CDH12: variants seen among roughly 807,000 people sequenced by gnomAD.
CDH12 encodes the protein cadherin-12.
A neutral mutation model predicts 74.1 loss-of-function variants in CDH12; 41 were observed. The ratio of observed to expected loss-of-function variants is 0.55; its 90% CI spans 0.43 to 0.72. The LOEUF (loss-of-function observed/expected upper bound fraction) is 0.72. Ranked by LOEUF, CDH12 falls within the 30% of genes least tolerant of loss-of-function variation. The probability of loss-of-function intolerance (pLI) is 0.00; values close to 1 mark genes in which losing one functional copy is unlikely to be tolerated. For synonymous variants in CDH12, 399 were observed against 355.0 expected (o/e 1.12, Z -1.39); for missense variants, 945 against 977.2 (o/e 0.97, Z 0.44).
intron 6 of CDH12, among the ~76,000 whole-genome samples, chr5:21,950,491 A>C (rs1178330931): frequency 1.3e-5 from 2 of 152,112 alleles, no homozygotes; most frequent in Non-Finnish European, 2.9e-5. Context: ...ATAAATTGTT[A>C]AACATAAAAG....
intron 7 of CDH12, among the ~76,000 whole-genome samples, chr5:21,848,700 A>G (rs1014339457): frequency 2.6e-5 from 4 of 152,042 alleles, no homozygotes; most frequent in African/African-American, 9.6e-5. Flanking sequence ...TTTAGGGGCC[A>G]TATTGTCCAA....
chr5:22,395,428 T>C (rs928757041), intron 3 of CDH12, among the ~76,000 whole-genome samples: 1 of 152,142 alleles, frequency 6.6e-6, no homozygotes, highest in African/African-American at 2.4e-5. Flanking sequence ...AATGAATTCA[T>C]TTTGTTTTAA....
chr5:22,671,941 C>T (rs917850429), intron 1 of CDH12, among the ~76,000 whole-genome samples: 1 of 149,296 alleles, frequency 6.7e-6, no homozygotes, highest in Admixed American at 6.8e-5. Flanking sequence ...ATCATTACCT[C>T]AGTCACCTTT....
At chr5:22,181,900 C>T (rs1042994723) in intron 4 of CDH12, among the ~76,000 whole-genome samples, 6 of 152,058 alleles carry the variant, frequency 3.9e-5, no homozygotes, top group African/African-American at 1.4e-4. Context: ...CAAATCATCC[C>T]GGAAGTCTTG....
chr5:21,921,261 T>G (rs1754339264), intron 6 of CDH12, among the ~76,000 whole-genome samples: 1 of 152,196 alleles, frequency 6.6e-6, no homozygotes, highest in Non-Finnish European at 1.5e-5. Context: ...AGCCTTAAAA[T>G]CATAAATGAG....
chr5:22,625,644 G>T (rs1738248431), intron 1 of CDH12, among the ~76,000 whole-genome samples: 4 of 152,162 alleles, frequency 2.6e-5, no homozygotes, highest in Admixed American at 2.6e-4. Context: ...TTGCCCAGGG[G>T]ATAAGGCCTG....
intron 1 of CDH12, among the ~76,000 whole-genome samples, chr5:22,582,158 G>T (rs1740139615): frequency 6.6e-6 from 1 of 152,070 alleles, no homozygotes; most frequent in Non-Finnish European, 1.5e-5. Flanking sequence ...GAATACTTAT[G>T]CCCTCACCAT....
intron 3 of CDH12, among the ~76,000 whole-genome samples, chr5:22,249,891 CAT>C (rs764341893): frequency 6.6e-5 from 10 of 151,956 alleles, no homozygotes; most frequent in South Asian, 4.2e-4. Context: ...GTTAATCAAA[CAT>C]GTGTAACATT....
intron 8 of CDH12, among the ~76,000 whole-genome samples, chr5:21,835,387 A>G (rs137934997): frequency 0.011 from 1,604 of 151,882 alleles, 24 homozygotes; most frequent in Non-Finnish European, 0.015. Flanking sequence ...ATATATGTAT[A>G]CACATATATA....
chr5:22,503,792 C>A (rs1736273766), intron 2 of CDH12, among the ~76,000 whole-genome samples: 1 of 151,856 alleles, frequency 6.6e-6, no homozygotes, highest in Non-Finnish European at 1.5e-5. Flanking sequence ...TTTATCTGGG[C>A]CTTTGGATGT....
At position 22,189,937 on chromosome 5, in the gene CDH12, A is replaced by G. The variant is rs1281441291; in HGVS notation, c.-187+22561T>C. 4.6e-5 allele frequency among the ~76,000 whole-genome samples: 7 copies of G among 151,940 alleles called. No individual in the cohort carries two copies. The South Asian group carries it at 8.3e-4, about 18-fold the overall frequency. On this transcript the variant is annotated intron_variant, in intron 4 of 14. Coordinates refer to ENST00000382254, the MANE Select transcript of CDH12 (RefSeq NM_004061.5). ...AGACGTGTTTGCTTCACAGCTGGTGAATGGACACTTTCCATCACTTCACCT... is the reference window on the plus strand; with the variant it reads ...AGACGTGTTTGCTTCACAGCTGGTGGATGGACACTTTCCATCACTTCACCT...
chr5:22,297,729 A>T (rs529873394), intron 3 of CDH12, among the ~76,000 whole-genome samples: 9 of 152,284 alleles, frequency 5.9e-5, no homozygotes, highest in Admixed American at 1.3e-4. Flanking sequence ...AAGGGGAAAG[A>T]TTTTAAACTG....
chr5:22,460,437 G>A (rs538240572), intron 2 of CDH12, among the ~76,000 whole-genome samples: 18 of 151,984 alleles, frequency 1.2e-4, no homozygotes, highest in East Asian at 3.9e-4. Flanking sequence ...CTGTTTTCTC[G>A]GAAAGGCAAA....
rs571555927 is a variant in CDH12 at position 21,943,044 on chromosome 5, G to A, written c.526+32047C>T. Among the ~76,000 whole-genome samples the A allele has an allele frequency of 9.2e-3, 1,403 of 152,136 alleles. 19 individuals carry two copies. The highest frequency in any genetic ancestry group is 0.032 in the African/African-American group (1,342 of 41,504). On this transcript the variant is annotated intron_variant, in intron 6 of 14. Coordinates refer to ENST00000382254, the MANE Select transcript of CDH12 (RefSeq NM_004061.5). ...TGAATGAGTTCTCATGAGATCTGAT[G>A]GTTTTACAAGTGTTTGACAGTGCCT...
intron 2 of CDH12, among the ~76,000 whole-genome samples, chr5:22,453,644 A>G (rs1002209960): frequency 2.6e-5 from 4 of 152,150 alleles, no homozygotes; most frequent in Non-Finnish European, 5.9e-5. Context: ...GCTAGGAGGA[A>G]TAGATCCTGG....
intron 4 of CDH12, among the ~76,000 whole-genome samples, chr5:22,090,279 C>G (rs1226399509): frequency 6.6e-6 from 1 of 151,546 alleles, no homozygotes; most frequent in South Asian, 2.1e-4. Flanking sequence ...AATTAAACAA[C>G]ATTGATGAAA....
At chr5:22,645,845 T>C (rs1446057701) in intron 1 of CDH12, among the ~76,000 whole-genome samples, 2 of 151,996 alleles carry the variant, frequency 1.3e-5, no homozygotes, top group East Asian at 3.9e-4. Context: ...AAGGTTTAGA[T>C]GCTCATTAGC....
intron 6 of CDH12, among the ~76,000 whole-genome samples, chr5:21,972,396 A>C (rs562700226): frequency 6.6e-6 from 1 of 152,298 alleles, no homozygotes; most frequent in Admixed American, 6.5e-5. Flanking sequence ...ATACCATACA[A>C]AGTTCCATCT....
intron 3 of CDH12, among the ~76,000 whole-genome samples, chr5:22,314,941 CTTTTTTTTTTTTTTTTT>C (rs759734847): frequency 4.4e-5 from 3 of 67,770 alleles, no homozygotes; most frequent in African/African-American, 6.8e-5. Context: ...CTGGGTTGGT[CTTTTTTTTTTTTTTTTT>C]TTTTTTTTTT....
Sources: allele counts gnomAD v4.1 joint callset (sites outside exome capture counted in the v4.1 genomes callset), GRCh38; gene constraint gnomAD v4.1.1; transcripts MANE v1.5; gene names NCBI Gene and HGNC (gene_info 2026-07-23, HGNC 2026-07-21).